Variants in C3orf33 observed in about 807,000 individuals in gnomAD.
C3orf33 encodes mitochondrial inner membrane subdomain organizer 1.
A neutral mutation model predicts 28.7 loss-of-function variants in C3orf33; 23 were observed. The ratio of observed to expected loss-of-function variants is 0.80; its 90% CI spans 0.58 to 1.13. The LOEUF is 1.13. Among genes scored for constraint, C3orf33 ranks in the 50% most tolerant of loss-of-function variants. C3orf33 has a pLI of 0.00. For synonymous variants in C3orf33, 119 were observed against 120.5 expected, an observed-to-expected ratio of 0.99 and a Z score of 0.08; for missense variants, 327 against 353.4, an observed-to-expected ratio of 0.93 and a Z score of 0.60.
chr3:155,797,583 G>T (rs1388846123), intron 2 of C3orf33, among the ~76,000 whole-genome samples: 1 of 152,112 alleles, frequency 6.6e-6, no homozygotes, highest in Admixed American at 6.6e-5. Context: ...AAGACTATTG[G>T]AACTGATAAA....
In C3orf33 at chr3:155,767,494, C is replaced by T; in HGVS notation, c.483+15G>A. The T allele has an allele frequency of 6.7e-7, 1 of 1,490,246 alleles. No homozygotes were observed. The highest frequency in any genetic ancestry group is 9.0e-7 in the Non-Finnish European group (1 of 1,106,492). The allele number at this position is 1,490,246 out of a possible 1,614,324, so 92.3% of individuals were successfully genotyped here. ...AAGAATAAGATATTGCTAGTTATTT[C>T]TTCACATTGCTTACCTTACTCACCA... On this transcript the variant is annotated intron_variant, in intron 4 of 4. Coordinates refer to ENST00000340171, the MANE Select transcript of C3orf33 (RefSeq NM_001308229.2).
intron 2 of C3orf33, among the ~76,000 whole-genome samples, chr3:155,785,786 C>T (rs1175210924): frequency 6.6e-6 from 1 of 152,044 alleles, no homozygotes; most frequent in Non-Finnish European, 1.5e-5. Flanking sequence ...TGCCTGTAAT[C>T]CCAGCACTTT....
intron 4 of C3orf33, among the ~76,000 whole-genome samples, chr3:155,766,501 A>G (rs1015981658): frequency 1.3e-5 from 2 of 152,258 alleles, no homozygotes; most frequent in African/African-American, 4.8e-5. Context: ...GACCAGACTA[A>G]GCAAACCGTC....
At chr3:155,767,987 C>G (rs904171360) in intron 3 of C3orf33, among the ~76,000 whole-genome samples, 5 of 152,122 alleles carry the variant, frequency 3.3e-5, no homozygotes, top group Non-Finnish European at 1.5e-5. Flanking sequence ...TCAAGCGATT[C>G]TCGTGCCTCA....
At chr3:155,764,921 T>C (rs1421600698) in intron 4 of C3orf33, among the ~76,000 whole-genome samples, 1 of 152,222 alleles carries the variant, frequency 6.6e-6, no homozygotes, top group Non-Finnish European at 1.5e-5. Flanking sequence ...TGTGGGATTT[T>C]AATCTTAACA....
chr3:155,775,571 A>G, intron 3 of C3orf33, 130 bp downstream of exon 3: 1 of 549,074 alleles, frequency 1.8e-6, no homozygotes, highest in Non-Finnish European at 2.9e-6. Flanking sequence ...TAAAGCCAAG[A>G]ATTGAGACTT....
At chr3:155,770,197 G>C (rs186691163) in intron 3 of C3orf33, among the ~76,000 whole-genome samples, 3 of 152,250 alleles carry the variant, frequency 2.0e-5, no homozygotes, top group Admixed American at 1.3e-4. Flanking sequence ...TCACCCACCA[G>C]TGATCAGCTA....
At chr3:155,802,632 A>G (rs761525180) in intron 1 of C3orf33, 41 bp from the exon 2 acceptor site, 15 of 1,430,200 alleles carry the variant, frequency 1.0e-5, no homozygotes. Context: ...ACTAATTATT[A>G]GTCACAATAA....
At chr3:155,779,776 T>A (rs960996272) in intron 2 of C3orf33, among the ~76,000 whole-genome samples, 1 of 152,202 alleles carries the variant, frequency 6.6e-6, no homozygotes, top group Non-Finnish European at 1.5e-5. Context: ...TAAAAGTGCA[T>A]CCTTTTTAAT....
chr3:155,763,563 T>C lies in C3orf33; in HGVS notation c.839A>G (p.Lys280Arg). 1.3e-6 allele frequency: 2 copies of C among 1,551,264 alleles called. No individual in the cohort carries two copies. Among genetic ancestry groups the C allele is most frequent in the Non-Finnish European group, 1.7e-6 (2 of 1,159,394 alleles). Residue 280 changes from lysine to arginine, a missense_variant, in exon 5 of 5, where the codon AAG (lysine) becomes AGG (arginine). Transcript: ENST00000340171. ...DNMNNCSLIL[K>R]FRELISRINF... is the part of the protein sequence containing the mutation. ...TATGCGACTTATAAGTTCTCTGAAC[T>C]TCAGTATTAAGGAGCAGTTGTTCAT...
At chr3:155,781,253 G>A (rs1216630274) in intron 2 of C3orf33, among the ~76,000 whole-genome samples, 5 of 149,704 alleles carry the variant, frequency 3.3e-5, no homozygotes, top group Admixed American at 2.0e-4. Context: ...TGATCCACCC[G>A]CCTCGGCCTC....
At chr3:155,780,519 CTTCTT>C (rs1296914634) in intron 2 of C3orf33, among the ~76,000 whole-genome samples, 1 of 152,182 alleles carries the variant, frequency 6.6e-6, no homozygotes, top group Non-Finnish European at 1.5e-5. Context: ...ACTCAATAAT[CTTCTT>C]TTATTTTTTA....
intron 2 of C3orf33, among the ~76,000 whole-genome samples, chr3:155,788,919 T>G (rs1294931596): frequency 6.6e-6 from 1 of 152,230 alleles, no homozygotes; most frequent in Non-Finnish European, 1.5e-5. Context: ...TACGATCTTA[T>G]ATGTAGAAAA....
rs1050339036 is a variant in C3orf33, at chr3:155,789,589, C to CT, written c.174+12942dup. ...ACAATCCCTATCAAAATCCCAATGA[C>CT]TTTTTTTTTTCAGAAATAGGAAAAT... On this transcript the variant is annotated intron_variant, in intron 2 of 4. Transcript: ENST00000340171. Among the ~76,000 whole-genome samples, 804 of 149,076 alleles carry CT rather than the reference C, an allele frequency of 5.4e-3. 4 individuals are homozygous for CT. Among genetic ancestry groups the CT allele is most frequent in the African/African-American group, 0.014 (585 of 40,650 alleles).
chr3:155,770,962 C>CTGTGTCTGTG (rs1553770158), intron 3 of C3orf33, among the ~76,000 whole-genome samples: 1 of 129,926 alleles, frequency 7.7e-6, no homozygotes, highest in Non-Finnish European at 1.6e-5. Context: ...GCATGAACCA[C>CTGTGTCTGTG]TGTGTGTGTG....
intron 2 of C3orf33, among the ~76,000 whole-genome samples, chr3:155,785,038 T>C (rs1001632159): frequency 2.6e-5 from 4 of 151,570 alleles, no homozygotes; most frequent in Non-Finnish European, 5.9e-5. Context: ...AAAAAAATAT[T>C]CCATGCAAAT....
chr3:155,778,166 A>AAAAAAAG (rs1750810522), intron 2 of C3orf33, among the ~76,000 whole-genome samples: 1 of 151,278 alleles, frequency 6.6e-6, no homozygotes, highest in African/African-American at 2.4e-5. Flanking sequence ...AAAAAAAACA[A>AAAAAAAG]GTAGGGGTAA....
chr3:155,785,558 T>A (rs1308038099), intron 2 of C3orf33, among the ~76,000 whole-genome samples: 2 of 151,754 alleles, frequency 1.3e-5, no homozygotes, highest in Non-Finnish European at 2.9e-5. Flanking sequence ...GAAGAAAAAA[T>A]TTGCAAATCT....
rs10654812 is a variant in C3orf33, at chr3:155,776,759, C to CAAAAAAA, written c.175-918_175-912dup. Among the ~76,000 whole-genome samples, 162 of 86,808 alleles carry CAAAAAAA rather than the reference C, an allele frequency of 1.9e-3. 1 individual carries two copies. The highest frequency in any genetic ancestry group is 2.7e-3 in the African/African-American group (65 of 23,914). 56.9% of individuals were successfully genotyped at this position (86,808 alleles called of 152,430 possible). On this transcript the variant is annotated intron_variant, in intron 2 of 4. Coordinates refer to ENST00000340171, the MANE Select transcript of C3orf33 (RefSeq NM_001308229.2). ...TGACAGAGCGAGAACCTGACTCTGT[C>CAAAAAAA]AAAAAAAAAAAAAAAAAAAAAAAAA...
Sources: allele counts gnomAD v4.1 joint callset (sites outside exome capture counted in the v4.1 genomes callset), GRCh38; gene constraint gnomAD v4.1.1; transcripts MANE v1.5; gene names NCBI Gene and HGNC (gene_info 2026-07-23, HGNC 2026-07-21).